Variants in FNIP1 observed in about 807,000 individuals in gnomAD.
FNIP1 encodes the protein folliculin interacting protein 1, also known as folliculin-interacting protein 1.
A neutral mutation model predicts 124.5 loss-of-function variants in FNIP1; 40 were observed. That is an observed-to-expected ratio of 0.32 (90% CI 0.25 to 0.42). The LOEUF is 0.42. Ranked by LOEUF, FNIP1 falls within the 10% of genes least tolerant of loss-of-function variation. The pLI, the probability that FNIP1 is intolerant of heterozygous loss-of-function variation, is 1.00. For missense variants in FNIP1, 1,176 were observed against 1,403.7 expected (o/e 0.84, Z 2.59); for synonymous variants, 472 against 470.6 (o/e 1.00, Z -0.04).
chr5:131,734,128 T>C (rs1328386804), intron 2 of FNIP1, among the ~76,000 whole-genome samples: 1 of 152,238 alleles, frequency 6.6e-6, no homozygotes, highest in Non-Finnish European at 1.5e-5. Flanking sequence ...GAGGTGTTTA[T>C]AGTATGCTCT....
intron 13 of FNIP1, 126 bp from the exon 14 acceptor site, chr5:131,673,050 T>G: frequency 2.9e-6 from 2 of 689,844 alleles, no homozygotes; most frequent in East Asian, 3.0e-5. Context: ...CTCGTTTTTT[T>G]GTTTTTTTTT....
intron 11 of FNIP1, among the ~76,000 whole-genome samples, chr5:131,684,485 G>A (rs1463791159): frequency 1.3e-5 from 2 of 151,986 alleles, no homozygotes; most frequent in Admixed American, 1.3e-4. Context: ...TTTCATATTT[G>A]CACAGCAACT....
Position 131,796,988 on chromosome 5 carries a change from C to T in FNIP1, c.-67G>A, listed in dbSNP as rs1772635051. The T allele has an allele frequency of 1.4e-6, 2 of 1,408,288 alleles. No individual in the cohort carries two copies. The highest frequency in any genetic ancestry group is 9.7e-7 in the Non-Finnish European group (1 of 1,029,414). 87.2% of individuals were successfully genotyped at this position (1,408,288 alleles called of 1,614,324 possible). Reference sequence around the variant, plus strand: ...CTAGGCCCCTGCTCCTACAGCCGCCCCGCCACCCCCATGGGCGCCTCAGTC... The same window carrying T: ...CTAGGCCCCTGCTCCTACAGCCGCCTCGCCACCCCCATGGGCGCCTCAGTC... On this transcript the variant is annotated 5_prime_UTR_variant, in exon 1 of 18. Transcript: ENST00000510461.
chr5:131,698,982 T>C lies in FNIP1; in HGVS notation c.1137A>G (p.Arg379=). The part of the protein sequence containing the change: ...AIEQAMKMSR[R]SADASQRSLA... ...AACTTCTCTGACTGGCATCAGCTGA[T>C]CTCCGGCTCATTTTCATAGCCTTGA... The change falls in exon 11 of 18, where the codon AGA becomes AGG. Residue 379 remains arginine, a synonymous_variant. Transcript: ENST00000510461. 1 of 1,610,522 alleles carries C rather than the reference T, an allele frequency of 6.2e-7. No individual in the cohort carries two copies. The highest frequency in any genetic ancestry group is 8.5e-7 in the Non-Finnish European group (1 of 1,178,928).
chr5:131,705,674 T>G (rs923843667), intron 9 of FNIP1, among the ~76,000 whole-genome samples: 2 of 152,118 alleles, frequency 1.3e-5, no homozygotes, highest in Non-Finnish European at 2.9e-5. Context: ...TGGAAAACAG[T>G]GTGCAGCGTG....
chr5:131,685,803 T>TAA (rs5871433), intron 11 of FNIP1, among the ~76,000 whole-genome samples: 4,463 of 148,996 alleles, frequency 0.03, 195 homozygotes, highest in African/African-American at 0.095. Context: ...TCACTCCAGT[T>TAA]AAAAAAAAAA....
chr5:131,703,598 G>C (rs1275005880), intron 10 of FNIP1, among the ~76,000 whole-genome samples: 2 of 152,170 alleles, frequency 1.3e-5, no homozygotes, highest in African/African-American at 4.8e-5. Context: ...GATGGTTGTA[G>C]CTCACCTGCT....
chr5:131,742,893 A>T (rs560795017), intron 2 of FNIP1, among the ~76,000 whole-genome samples: 1 of 152,340 alleles, frequency 6.6e-6, no homozygotes, highest in East Asian at 1.9e-4. Context: ...GGATTTTGAA[A>T]ATAAACTTCC....
intron 2 of FNIP1, among the ~76,000 whole-genome samples, chr5:131,742,105 T>C (rs1207385558): frequency 1.3e-5 from 2 of 152,176 alleles, no homozygotes; most frequent in African/African-American, 4.8e-5. Flanking sequence ...AAGCTTGACT[T>C]TCTGTTTATA....
intron 1 of FNIP1, among the ~76,000 whole-genome samples, chr5:131,793,441 CT>C (rs1772475932): frequency 6.6e-6 from 1 of 152,142 alleles, no homozygotes; most frequent in African/African-American, 2.4e-5. Context: ...TAGAAACAGC[CT>C]TTTCTCCCAA....
intron 1 of FNIP1, among the ~76,000 whole-genome samples, chr5:131,786,429 C>T (rs1772221781): frequency 6.6e-6 from 1 of 152,176 alleles, no homozygotes; most frequent in Non-Finnish European, 1.5e-5. Flanking sequence ...AAATACGTCA[C>T]ATCCAAAGTA....
chr5:131,731,009 G>C lies in FNIP1; in HGVS notation c.249C>G (p.Val83=). The change falls in exon 3 of 18, where the codon GTC becomes GTG. Residue 83 remains valine (V), a synonymous_variant. Transcript: ENST00000510461. The part of the protein sequence containing the change: ...SKLGSDAQVK[V]FGKCCQLKPG... The stretch of plus-strand genomic sequence containing the variant: ...GTTTCAGTTGGCAGCATTTCCCAAA[G>C]ACTTTAACTTGAGCATCACTGCCGA... 6.2e-7 allele frequency: 1 copy of C among 1,613,222 alleles called. No homozygotes were observed. The highest frequency in any genetic ancestry group is 2.2e-5 in the East Asian group (1 of 44,774).
At chr5:131,649,623 GC>G (rs1485719408) in intron 16 of FNIP1, among the ~76,000 whole-genome samples, 1 of 151,992 alleles carries the variant, frequency 6.6e-6, no homozygotes, top group Admixed American at 6.6e-5. Flanking sequence ...TCTGTTGATA[GC>G]TAATAAACAA....
chr5:131,677,475 T>G lies in FNIP1; in HGVS notation c.1519+228A>C, dbSNP rs951765375. ...TCTGAAGTTACTAGTAAACGAGCTA[T>G]CAGCCTGCTCCTCTTGCTCTACCTG... On this transcript the variant is annotated intron_variant, in intron 13 of 17. Transcript: ENST00000510461. 5 of 431,946 alleles carry G rather than the reference T, an allele frequency of 1.2e-5. No individual in the cohort carries two copies. In the South Asian group the frequency reaches 2.4e-4, roughly 21 times the overall value. 26.8% of individuals were successfully genotyped at this position (431,946 alleles called of 1,614,324 possible).
At chr5:131,759,602 G>A (rs895104802) in intron 1 of FNIP1, among the ~76,000 whole-genome samples, 3 of 152,162 alleles carry the variant, frequency 2.0e-5, no homozygotes, top group African/African-American at 7.2e-5. Context: ...AACAACAGAT[G>A]CTGGTGAGGC....
At chr5:131,775,739 G>A (rs1771781254) in intron 1 of FNIP1, among the ~76,000 whole-genome samples, 3 of 152,010 alleles carry the variant, frequency 2.0e-5, no homozygotes, top group African/African-American at 7.2e-5. Flanking sequence ...TGTTAGCCAG[G>A]CTGGTCTCAA....
At chr5:131,673,831 T>C (rs1767836850) in intron 13 of FNIP1, among the ~76,000 whole-genome samples, 1 of 151,576 alleles carries the variant, frequency 6.6e-6, no homozygotes, top group Non-Finnish European at 1.5e-5. Flanking sequence ...AGACCAGGAG[T>C]TCAAGACCAG....
intron 1 of FNIP1, among the ~76,000 whole-genome samples, chr5:131,785,472 T>C (rs188502504): frequency 0.026 from 3,899 of 151,994 alleles, 71 homozygotes; most frequent in Non-Finnish European, 0.039. Flanking sequence ...GGAGAATCAC[T>C]TGAACCCGGG....
intron 3 of FNIP1, among the ~76,000 whole-genome samples, chr5:131,722,132 C>G (rs1769687096): frequency 6.6e-6 from 1 of 152,148 alleles, no homozygotes; most frequent in South Asian, 2.1e-4. Context: ...CAGAACTATT[C>G]ATTTACATGC....
Sources: allele counts gnomAD v4.1 joint callset (sites outside exome capture counted in the v4.1 genomes callset), GRCh38; gene constraint gnomAD v4.1.1; transcripts MANE v1.5; gene names NCBI Gene and HGNC (gene_info 2026-07-23, HGNC 2026-07-21).